The following TAOK1 variants were observed in gnomAD, a reference collection of about 807,000 sequenced individuals.
The protein encoded by TAOK1 is TAO kinase 1, also known as serine/threonine-protein kinase TAO1.
In TAOK1, 21 loss-of-function variants were observed where a neutral mutation model predicts 138.3. The observed-to-expected ratio is 0.15, with a 90% CI of 0.11 to 0.22. The LOEUF is 0.22. Ranked by LOEUF, TAOK1 falls within the 10% of genes least tolerant of loss-of-function variation. TAOK1 has a pLI of 1.00. For synonymous variants in TAOK1, 361 were observed against 398.4 expected, an observed-to-expected ratio of 0.91 and a Z score of 1.12; for missense variants, 651 against 1,227.7, an observed-to-expected ratio of 0.53 and a Z score of 7.02.
intron 1 of TAOK1, among the ~76,000 whole-genome samples, chr17:29,422,342 T>G (rs1905476676): frequency 6.6e-6 from 1 of 151,984 alleles, no homozygotes; most frequent in Non-Finnish European, 1.5e-5. Context: ...TAGCTGGAAC[T>G]ACAGGCACGA....
At chr17:29,414,400 C>T (rs1017442532) in intron 1 of TAOK1, among the ~76,000 whole-genome samples, 3 of 151,916 alleles carry the variant, frequency 2.0e-5, no homozygotes, top group Admixed American at 2.0e-4. Flanking sequence ...CAGGCACACG[C>T]CACTGTGCCT....
chr17:29,411,088 G>GTTTTTTTTTTTTTTT (rs71138814), intron 1 of TAOK1, among the ~76,000 whole-genome samples: 1 of 94,090 alleles, frequency 1.1e-5, no homozygotes, highest in Non-Finnish European at 2.0e-5. Flanking sequence ...TCTTTTTACT[G>GTTTTTTTTTTTTTTT]TTTTTTTTTT....
At chr17:29,400,390 C>CAAA (rs565898026) in intron 1 of TAOK1, among the ~76,000 whole-genome samples, 2 of 81,946 alleles carry the variant, frequency 2.4e-5, no homozygotes, top group East Asian at 2.6e-4. Flanking sequence ...AACTCCGTCT[C>CAAA]AAAAAAAAAA....
At position 29,542,708 on chromosome 17, in the gene TAOK1, G is replaced by A; in HGVS notation, c.2692G>A (p.Glu898Lys). 6.2e-7 allele frequency: 1 copy of A among 1,614,202 alleles called. No homozygotes were observed. Among genetic ancestry groups the A allele is most frequent in the Non-Finnish European group, 8.5e-7 (1 of 1,180,038 alleles). ...TATGGTCCTTTCTAATCTCTCCCCT[G>A]AGGCATTCAGCCACAGCTACCCGGG... ...SNMVLSNLSP[E>K]AFSHSYPGAS... The change falls in exon 20 of 20, where the codon GAG becomes AAG. Residue 898 changes from glutamate to lysine, a missense_variant. Coordinates refer to ENST00000261716, the MANE Select transcript of TAOK1 (RefSeq NM_020791.4).
intron 1 of TAOK1, among the ~76,000 whole-genome samples, chr17:29,409,215 G>A (rs1317200625): frequency 6.7e-6 from 1 of 149,428 alleles, no homozygotes; most frequent in African/African-American, 2.5e-5. Flanking sequence ...CACTGTTTAT[G>A]TTCACCTGTT....
intron 11 of TAOK1, among the ~76,000 whole-genome samples, chr17:29,497,782 T>G (rs1015639996): frequency 6.7e-6 from 1 of 149,380 alleles, no homozygotes; most frequent in African/African-American, 2.5e-5. Context: ...GAAAGAAGAA[T>G]CTACTTATGA....
chr17:29,516,269 T>C (rs2031812703), intron 15 of TAOK1, among the ~76,000 whole-genome samples: 2 of 152,118 alleles, frequency 1.3e-5, no homozygotes, highest in African/African-American at 2.4e-5. Context: ...CCAAGAACTT[T>C]TATTTAAAAT....
chr17:29,539,738 A>G (rs1369370662), intron 19 of TAOK1, among the ~76,000 whole-genome samples: 1 of 152,048 alleles, frequency 6.6e-6, no homozygotes, highest in Non-Finnish European at 1.5e-5. Context: ...CACCCAGCCA[A>G]TTTTTGTATT....
rs1306701506 is a variant in TAOK1, at chr17:29,534,310, A to G, written c.2544+10A>G. 2.0e-6 allele frequency: 3 copies of G among 1,524,046 alleles called. No homozygotes were observed. Among genetic ancestry groups the G allele is most frequent in the Non-Finnish European group, 2.6e-6 (3 of 1,135,702 alleles). The allele number at this position is 1,524,046 out of a possible 1,614,324, so 94.4% of individuals were successfully genotyped here. On this transcript the variant is annotated intron_variant, in intron 19 of 19. Coordinates refer to ENST00000261716, the MANE Select transcript of TAOK1 (RefSeq NM_020791.4). ...ACTCTTAGAACAAAAGGTATAAGTA[A>G]TAGAAGGAAAAATCATTGTTTTCGA...
At chr17:29,398,917 A>C (rs1265435164) in intron 1 of TAOK1, among the ~76,000 whole-genome samples, 1 of 152,056 alleles carries the variant, frequency 6.6e-6, no homozygotes, top group African/African-American at 2.4e-5. Flanking sequence ...ACATGCTAAC[A>C]CTCAATAAAT....
In TAOK1 at chr17:29,430,182, G is replaced by A. The variant is rs915437704; in HGVS notation, c.-94-21273G>A. ...AGAAAGAATGAAGTAACAAAAGAAC[G>A]AAAGCAGGGATTTATTGAAAATGAA... On this transcript the variant is annotated intron_variant, in intron 1 of 19. Transcript: ENST00000261716. 3.9e-5 allele frequency among the ~76,000 whole-genome samples: 6 copies of A among 152,154 alleles called. 1 individual carries two copies. The South Asian group carries it at 8.3e-4, about 21-fold the overall frequency.
At chr17:29,519,878 A>C (rs568312800) in intron 16 of TAOK1, among the ~76,000 whole-genome samples, 1 of 152,308 alleles carries the variant, frequency 6.6e-6, no homozygotes, top group South Asian at 2.1e-4. Flanking sequence ...TGATTCTGTG[A>C]TACAGTATAC....
At chr17:29,525,928 C>T (rs1344642364) in intron 17 of TAOK1, among the ~76,000 whole-genome samples, 4 of 152,144 alleles carry the variant, frequency 2.6e-5, no homozygotes, top group African/African-American at 4.8e-5. Flanking sequence ...ACCCAGGAGG[C>T]GGAGGTTGCA....
intron 1 of TAOK1, among the ~76,000 whole-genome samples, chr17:29,422,868 T>A (rs897850550): frequency 1.1e-4 from 16 of 152,030 alleles, no homozygotes; most frequent in Admixed American, 6.6e-5. Context: ...CTACTAAACA[T>A]GCAAAAATTA....
chr17:29,513,890 G>A (rs1024882819), intron 15 of TAOK1: 2 of 152,208 alleles, frequency 1.3e-5, no homozygotes, highest in Non-Finnish European at 2.9e-5. Context: ...GTTGCAGTGA[G>A]CCGAGATCGT....
intron 15 of TAOK1, 58 bp from the exon 16 acceptor site, chr17:29,517,395 C>T: frequency 6.4e-7 from 1 of 1,555,248 alleles, no homozygotes; most frequent in Non-Finnish European, 8.8e-7. Flanking sequence ...GCTGGGATTA[C>T]AGGCGTGAGC....
At chr17:29,542,347 A>C (rs546081824) in intron 19 of TAOK1, among the ~76,000 whole-genome samples, 1 of 152,306 alleles carries the variant, frequency 6.6e-6, no homozygotes, top group East Asian at 1.9e-4. Flanking sequence ...CAATATGTGC[A>C]TGTAAAAAAA....
chr17:29,541,917 C>T (rs1056319204), intron 19 of TAOK1, among the ~76,000 whole-genome samples: 4 of 151,754 alleles, frequency 2.6e-5, no homozygotes, highest in Non-Finnish European at 5.9e-5. Context: ...CTCTGTCGCC[C>T]AGGCTGGAGT....
chr17:29,491,968 T>TGGGAGGTCAAGGC, intron 10 of TAOK1, 103 bp downstream of exon 10: 1 of 811,330 alleles, frequency 1.2e-6, no homozygotes, highest in Non-Finnish European at 2.0e-6. Context: ...TCCTGCAGCC[T>TGGGAGGTCAAGGC]TGACCTCCCA....
Sources: allele counts gnomAD v4.1 joint callset (sites outside exome capture counted in the v4.1 genomes callset), GRCh38; gene constraint gnomAD v4.1.1; transcripts MANE v1.5; gene names NCBI Gene and HGNC (gene_info 2026-07-23, HGNC 2026-07-21).